The following MYO3A variants were observed in gnomAD, a reference collection of about 807,000 sequenced individuals.
MYO3A encodes myosin IIIA.
A neutral mutation model predicts 192.7 loss-of-function variants in MYO3A; 180 were observed. The observed-to-expected ratio is 0.93, with a 90% CI of 0.83 to 1.06. The LOEUF (loss-of-function observed/expected upper bound fraction) is 1.06. Among genes scored for constraint, MYO3A ranks in the 50% least tolerant of loss-of-function variants. The probability of loss-of-function intolerance (pLI) is 0.00; values close to 1 mark genes in which losing one functional copy is unlikely to be tolerated. For synonymous variants in MYO3A, 628 were observed against 645.3 expected (o/e 0.97, Z 0.41); for missense variants, 1,896 against 1,905.0 (o/e 1.00, Z 0.09).
intron 4 of MYO3A, among the ~76,000 whole-genome samples, chr10:25,991,877 C>G (rs1285165956): frequency 2.6e-5 from 4 of 152,128 alleles, no homozygotes; most frequent in African/African-American, 9.7e-5. Flanking sequence ...GTCTATATCT[C>G]TGTTTTGGTA....
chr10:25,969,083 C>CA lies in MYO3A; in HGVS notation c.303+14081dup, dbSNP rs746973990. Among the ~76,000 whole-genome samples, 202 of 152,176 alleles carry CA rather than the reference C, an allele frequency of 1.3e-3. 2 individuals carry two copies. The highest frequency in any genetic ancestry group is 2.2e-3 in the Admixed American group (34 of 15,282). On this transcript the variant is annotated intron_variant, in intron 4 of 34. Transcript: ENST00000642920. ...TGAAACCCCATCTCTACTAAAAATACAAAAAATTAGCCGGGTGAGGTGGCG... is the reference window on the plus strand; with the variant it reads ...TGAAACCCCATCTCTACTAAAAATACAAAAAAATTAGCCGGGTGAGGTGGCG...
At chr10:26,164,340 G>C (rs1281502918) in intron 26 of MYO3A, among the ~76,000 whole-genome samples, 1 of 151,628 alleles carries the variant, frequency 6.6e-6, no homozygotes, top group Non-Finnish European at 1.5e-5. Flanking sequence ...AGAAAAGGAG[G>C]AGGAGATGGC....
At chr10:26,187,018 C>T (rs1354859497) in intron 31 of MYO3A, among the ~76,000 whole-genome samples, 1 of 152,112 alleles carries the variant, frequency 6.6e-6, no homozygotes, top group African/African-American at 2.4e-5. Flanking sequence ...ATCTTTAAAG[C>T]ATGAGAAATT....
At chr10:26,094,930 C>G (rs1836922661) in intron 15 of MYO3A, among the ~76,000 whole-genome samples, 1 of 152,114 alleles carries the variant, frequency 6.6e-6, no homozygotes, top group African/African-American at 2.4e-5. Context: ...TCAAAGGCTC[C>G]TCTGTTCTAC....
chr10:26,178,483 G>T (rs1842440373), intron 31 of MYO3A, among the ~76,000 whole-genome samples: 1 of 151,696 alleles, frequency 6.6e-6, no homozygotes, highest in Admixed American at 6.6e-5. Context: ...AACCTGGGAG[G>T]TGGAAGTTGC....
intron 6 of MYO3A, 93 bp downstream of exon 6, chr10:25,997,351 T>G (rs1367249672): frequency 5.1e-6 from 5 of 980,364 alleles, no homozygotes; most frequent in Non-Finnish European, 8.1e-6. Context: ...TTTCTAGGTA[T>G]TGGAAATAGA....
chr10:26,092,956 A>G (rs764500376), intron 15 of MYO3A, among the ~76,000 whole-genome samples: 1 of 152,228 alleles, frequency 6.6e-6, no homozygotes, highest in Non-Finnish European at 1.5e-5. Flanking sequence ...GCTGAAGATC[A>G]GTATATTCCC....
At chr10:26,080,502 C>T (rs1239285927) in intron 14 of MYO3A, among the ~76,000 whole-genome samples, 2 of 145,948 alleles carry the variant, frequency 1.4e-5, no homozygotes, top group East Asian at 2.0e-4. Flanking sequence ...AGCTTAATAA[C>T]TAACCTCTTG....
chr10:26,208,800 C>T (rs915217281), intron 34 of MYO3A, among the ~76,000 whole-genome samples: 1 of 152,196 alleles, frequency 6.6e-6, no homozygotes, highest in Non-Finnish European at 1.5e-5. Context: ...CATATTCCAT[C>T]TGCAGGCTAC....
At chr10:25,988,289 A>G (rs898992769) in intron 4 of MYO3A, among the ~76,000 whole-genome samples, 9 of 152,158 alleles carry the variant, frequency 5.9e-5, no homozygotes, top group African/African-American at 1.9e-4. Context: ...GGGTGCACCA[A>G]AATCTCAGAA....
At position 26,063,760 on chromosome 10, in the gene MYO3A, G is replaced by T. The variant is rs1226193370; in HGVS notation, c.954-3215G>T. Among the ~76,000 whole-genome samples the T allele has an allele frequency of 3.3e-5, 5 of 152,112 alleles. No homozygotes were observed. In the South Asian group the frequency reaches 6.2e-4, roughly 19 times the overall value. ...GATTGGGCTGAGGAGGAAACAACAAGAACAAAATGACAGGTGAAGAAAGCA... is the reference window on the plus strand; with the variant it reads ...GATTGGGCTGAGGAGGAAACAACAATAACAAAATGACAGGTGAAGAAAGCA... On this transcript the variant is annotated intron_variant, in intron 10 of 34. Coordinates refer to ENST00000642920, the MANE Select transcript of MYO3A (RefSeq NM_017433.5).
intron 31 of MYO3A, among the ~76,000 whole-genome samples, chr10:26,184,299 A>G (rs1339910561): frequency 6.6e-6 from 1 of 152,232 alleles, no homozygotes; most frequent in African/African-American, 2.4e-5. Flanking sequence ...TTTAACATGC[A>G]GCAATGAAAA....
intron 10 of MYO3A, among the ~76,000 whole-genome samples, chr10:26,051,377 C>T (rs1162384767): frequency 1.3e-5 from 2 of 151,918 alleles, no homozygotes; most frequent in Middle Eastern, 3.4e-3. Context: ...GATTTCTATA[C>T]ACATCAGTTG....
chr10:26,110,865 T>A (rs948238995), intron 17 of MYO3A, among the ~76,000 whole-genome samples: 2 of 148,702 alleles, frequency 1.3e-5, no homozygotes, highest in African/African-American at 5.0e-5. Context: ...TTGGGTTTTC[T>A]TTTCTTTTTT....
intron 23 of MYO3A, among the ~76,000 whole-genome samples, chr10:26,149,465 C>T (rs1346742881): frequency 6.6e-6 from 1 of 152,060 alleles, no homozygotes; most frequent in African/African-American, 2.4e-5. Flanking sequence ...GAGCTCCTGA[C>T]CTCAGGTGAT....
At chr10:26,184,102 G>A (rs1301761820) in intron 31 of MYO3A, among the ~76,000 whole-genome samples, 1 of 152,182 alleles carries the variant, frequency 6.6e-6, no homozygotes, top group African/African-American at 2.4e-5. Context: ...CTAAAGGAAG[G>A]AGGCCATGCA....
chr10:26,179,043 C>A (rs1456866547), intron 31 of MYO3A, among the ~76,000 whole-genome samples: 1 of 149,082 alleles, frequency 6.7e-6, no homozygotes, highest in Non-Finnish European at 1.5e-5. Flanking sequence ...TGTGATCCGC[C>A]CGCCTTGGCC....
chr10:25,975,101 G>A (rs1051512119), intron 4 of MYO3A, among the ~76,000 whole-genome samples: 5 of 152,168 alleles, frequency 3.3e-5, no homozygotes, highest in African/African-American at 1.2e-4. Context: ...TATTCATGAA[G>A]GGGAGGCATG....
intron 32 of MYO3A, among the ~76,000 whole-genome samples, chr10:26,198,942 C>T (rs1843545872): frequency 6.6e-6 from 1 of 152,142 alleles, no homozygotes; most frequent in Non-Finnish European, 1.5e-5. Flanking sequence ...AAACATTGTA[C>T]ATCTTCGCAA....
Sources: allele counts gnomAD v4.1 joint callset (sites outside exome capture counted in the v4.1 genomes callset), GRCh38; gene constraint gnomAD v4.1.1; transcripts MANE v1.5; gene names NCBI Gene and HGNC (gene_info 2026-07-23, HGNC 2026-07-21).